The following SORCS3 variants were observed in gnomAD, a reference collection of about 807,000 sequenced individuals.
SORCS3 encodes the protein sortilin related VPS10 domain containing receptor 3, also known as VPS10 domain-containing receptor SorCS3.
SORCS3 carries 57 observed loss-of-function variants against 146.3 expected under a neutral mutation model. The observed-to-expected ratio is 0.39, with a 90% CI of 0.31 to 0.49. The LOEUF (loss-of-function observed/expected upper bound fraction) is 0.49. SORCS3 is among the 20% of genes least tolerant of loss of function. The pLI is 0.92. For synonymous variants in SORCS3, 653 were observed against 618.5 expected (o/e 1.06, Z -0.83); for missense variants, 1,341 against 1,575.5 (o/e 0.85, Z 2.52).
intron 3 of SORCS3, among the ~76,000 whole-genome samples, chr10:104,976,151 A>G (rs1445700173): frequency 1.3e-5 from 2 of 152,226 alleles, no homozygotes; most frequent in African/African-American, 2.4e-5. Context: ...AAATTTTCGC[A>G]TCCTACTCAT....
intron 20 of SORCS3, among the ~76,000 whole-genome samples, chr10:105,243,845 T>A (rs1431261486): frequency 1.3e-5 from 2 of 152,232 alleles, no homozygotes; most frequent in African/African-American, 4.8e-5. Context: ...TTGAAAAGTC[T>A]GAGCTAGAAA....
chr10:104,742,658 C>G (rs1317636517), intron 1 of SORCS3, among the ~76,000 whole-genome samples: 1 of 152,204 alleles, frequency 6.6e-6, no homozygotes, highest in Non-Finnish European at 1.5e-5. Flanking sequence ...GTATTAACAT[C>G]AGAGCCAGGT....
intron 1 of SORCS3, among the ~76,000 whole-genome samples, chr10:104,775,126 G>A (rs867420074): frequency 6.6e-6 from 1 of 152,148 alleles, no homozygotes. Context: ...GATGAAATAT[G>A]GTATGCAACA....
chr10:105,165,933 G>C (rs1393719773), intron 12 of SORCS3, among the ~76,000 whole-genome samples: 1 of 152,104 alleles, frequency 6.6e-6, no homozygotes, highest in Non-Finnish European at 1.5e-5. Flanking sequence ...CTCCTCCCCA[G>C]TGCCTCTTCC....
chr10:104,983,548 C>T (rs1051215540), intron 4 of SORCS3, among the ~76,000 whole-genome samples: 9 of 152,114 alleles, frequency 5.9e-5, no homozygotes, highest in African/African-American at 1.9e-4. Context: ...TAGGTGGCTC[C>T]AGCCACAGGT....
intron 1 of SORCS3, among the ~76,000 whole-genome samples, chr10:104,676,955 T>C (rs2015918961): frequency 6.6e-6 from 1 of 152,230 alleles, no homozygotes; most frequent in Non-Finnish European, 1.5e-5. Context: ...TTAATTCAGC[T>C]TTTGAGATAC....
chr10:104,674,083 C>A (rs958869950), intron 1 of SORCS3, among the ~76,000 whole-genome samples: 3 of 152,226 alleles, frequency 2.0e-5, no homozygotes, highest in African/African-American at 7.2e-5. Flanking sequence ...AGACATAGAA[C>A]AATTTATAGC....
intron 3 of SORCS3, among the ~76,000 whole-genome samples, chr10:104,958,857 A>G (rs2054772665): frequency 6.6e-6 from 1 of 151,144 alleles, no homozygotes; most frequent in Non-Finnish European, 1.5e-5. Context: ...GTGGCAGAAG[A>G]GAGAGAGAGG....
chr10:105,245,047 C>T (rs909970426), intron 20 of SORCS3, among the ~76,000 whole-genome samples: 4 of 127,662 alleles, frequency 3.1e-5, no homozygotes, highest in South Asian at 2.8e-4. Context: ...GCAGCCTGGG[C>T]GGCAGAGCAA....
At chr10:104,783,763 TGATGAAGTTGGAGGCTCAAA>T (rs2017401779) in intron 1 of SORCS3, among the ~76,000 whole-genome samples, 1 of 152,170 alleles carries the variant, frequency 6.6e-6, no homozygotes, top group Admixed American at 6.5e-5. Flanking sequence ...GGATCTAGGA[TGATGAAGTTGGAGGCTCAAA>T]GATGAATTGT....
At chr10:105,100,750 T>A (rs1242444649) in intron 6 of SORCS3, among the ~76,000 whole-genome samples, 1 of 152,264 alleles carries the variant, frequency 6.6e-6, no homozygotes, top group Non-Finnish European at 1.5e-5. Flanking sequence ...ACATTTATTA[T>A]AAATTGAATC....
chr10:105,092,060 GAC>G (rs2055714376), intron 6 of SORCS3, among the ~76,000 whole-genome samples: 1 of 152,308 alleles, frequency 6.6e-6, no homozygotes, highest in Admixed American at 6.5e-5. Flanking sequence ...TCAGGCTTAA[GAC>G]ACATTATTTT....
chr10:105,123,621 G>T (rs751773724), intron 7 of SORCS3, among the ~76,000 whole-genome samples: 7 of 152,140 alleles, frequency 4.6e-5, no homozygotes, highest in Non-Finnish European at 1.0e-4. Context: ...CACAGTTCCT[G>T]CCATAACAGG....
chr10:105,166,306 A>G (rs1326407669), intron 12 of SORCS3, among the ~76,000 whole-genome samples: 1 of 152,056 alleles, frequency 6.6e-6, no homozygotes, highest in African/African-American at 2.4e-5. Flanking sequence ...TTAACCCACC[A>G]TCCCAACTTC....
At chr10:104,717,159 C>T (rs763249728) in intron 1 of SORCS3, among the ~76,000 whole-genome samples, 8 of 152,062 alleles carry the variant, frequency 5.3e-5, no homozygotes, top group African/African-American at 9.7e-5. Flanking sequence ...GTGGCTCACA[C>T]TTGTAATCCC....
At chr10:105,007,734 GGTTA>G (rs1276307502) in intron 4 of SORCS3, among the ~76,000 whole-genome samples, 2 of 151,978 alleles carry the variant, frequency 1.3e-5, no homozygotes, top group African/African-American at 4.8e-5. Context: ...GGTAGTCATT[GGTTA>G]GTTAGTTATA....
chr10:104,990,481 C>T (rs1357381372), intron 4 of SORCS3, among the ~76,000 whole-genome samples: 5 of 151,988 alleles, frequency 3.3e-5, no homozygotes, highest in Non-Finnish European at 7.3e-5. Context: ...GTGGTGGTAG[C>T]GGAAGATTTG....
At chr10:105,089,057 C>T (rs2055683366) in intron 5 of SORCS3, among the ~76,000 whole-genome samples, 1 of 152,176 alleles carries the variant, frequency 6.6e-6, no homozygotes, top group Non-Finnish European at 1.5e-5. Context: ...ATTTAGGAGA[C>T]AGCTGACTGG....
intron 1 of SORCS3, among the ~76,000 whole-genome samples, chr10:104,793,842 T>C (rs2017520959): frequency 6.6e-6 from 1 of 152,160 alleles, no homozygotes; most frequent in African/African-American, 2.4e-5. Flanking sequence ...GAAGGACATC[T>C]GGATGGCAGG....
Sources: gnomAD v4.1 joint callset for allele counts (sites outside exome capture counted in the v4.1 genomes callset) on GRCh38, gnomAD v4.1.1 for gene constraint, MANE v1.5 for transcripts, NCBI Gene and HGNC (gene_info 2026-07-23, HGNC 2026-07-21) for gene names.